The following ESRRG variants were observed in gnomAD, a reference collection of about 807,000 sequenced individuals.
ESRRG encodes the protein estrogen-related receptor gamma.
Under a neutral mutation model 44.0 loss-of-function variants are expected in ESRRG, and 13 were observed. The observed-to-expected ratio is 0.30, with a 90% confidence interval of 0.19 to 0.47. The LOEUF is 0.47. Ranked by LOEUF, ESRRG falls within the 20% of genes least tolerant of loss-of-function variation. The probability of loss-of-function intolerance (pLI) is 1.00; values close to 1 mark genes in which losing one functional copy is unlikely to be tolerated. For synonymous variants in ESRRG, 215 were observed against 214.6 expected (o/e 1.00, Z -0.02); for missense variants, 395 against 580.6 (o/e 0.68, Z 3.29).
Position 217,073,558 on chromosome 1 carries a change from A to G in ESRRG, c.-106+15949T>C, listed in dbSNP as rs573557737. 7.9e-5 allele frequency among the ~76,000 whole-genome samples: 12 copies of G among 152,198 alleles called. No individual in the cohort carries two copies. The East Asian group carries it at 2.3e-3, about 29-fold the overall frequency. ...TCAATAGCAGGAGAAAGAAAAACGG[A>G]TTTTTCTGACTCCTCTTAAAGTTTC... On this transcript the variant is annotated intron_variant, in intron 1 of 7. Transcript: ENST00000359162.
intron 2 of ESRRG, among the ~76,000 whole-genome samples, chr1:216,738,016 T>C (rs79094940): frequency 8.6e-6 from 1 of 116,718 alleles, no homozygotes; most frequent in African/African-American, 2.9e-5. Flanking sequence ...TTTTTTTTTT[T>C]GGTCATGCTA....
chr1:216,820,189 A>G (rs531161128), intron 2 of ESRRG, among the ~76,000 whole-genome samples: 16 of 152,324 alleles, frequency 1.1e-4, no homozygotes, highest in African/African-American at 3.8e-4. Context: ...GATGTGCACC[A>G]TTTTCATTCA....
chr1:217,121,550 G>A (rs961649185), intron 1 of ESRRG, among the ~76,000 whole-genome samples: 4 of 152,162 alleles, frequency 2.6e-5, no homozygotes, highest in African/African-American at 9.7e-5. Context: ...AGAGGATTAA[G>A]TGAAGCGGGC....
At chr1:216,853,321 G>T (rs956815631) in intron 2 of ESRRG, among the ~76,000 whole-genome samples, 3 of 152,136 alleles carry the variant, frequency 2.0e-5, no homozygotes, top group African/African-American at 7.2e-5. Context: ...CTGCCAGTTC[G>T]CTCTGAAATA....
intron 1 of ESRRG, among the ~76,000 whole-genome samples, chr1:217,041,907 A>G (rs1237326476): frequency 6.6e-6 from 1 of 152,220 alleles, no homozygotes; most frequent in African/African-American, 2.4e-5. Context: ...TTATCCCAAG[A>G]AACCAGTAGG....
chr1:216,614,523 A>AT (rs942108910), intron 3 of ESRRG, among the ~76,000 whole-genome samples: 1 of 152,078 alleles, frequency 6.6e-6, no homozygotes, highest in Non-Finnish European at 1.5e-5. Context: ...ATGAATTCTG[A>AT]TTTTTTCCAA....
At chr1:216,982,672 C>A (rs989334814) in intron 1 of ESRRG, among the ~76,000 whole-genome samples, 3 of 152,162 alleles carry the variant, frequency 2.0e-5, no homozygotes, top group Non-Finnish European at 4.4e-5. Flanking sequence ...GGCTTCCAAA[C>A]TTAAGTGTTT....
chr1:216,931,629 C>T (rs1362697041), intron 2 of ESRRG, among the ~76,000 whole-genome samples: 1 of 152,080 alleles, frequency 6.6e-6, no homozygotes, highest in African/African-American at 2.4e-5. Context: ...CAGGGTTCTC[C>T]TGGGACTCTG....
At position 217,108,342 on chromosome 1, in the gene ESRRG, C is replaced by T. The variant is rs1215654942; in HGVS notation, c.-230+29325G>A. The stretch of plus-strand genomic sequence containing the variant: ...ATTCCCATCATTCTTTGCAGCTCTC[C>T]GATGGTATTTGCCACAATTCTGCTT... On this transcript the variant is annotated intron_variant, in intron 1 of 8. Coordinates refer to the ESRRG transcript ENST00000366940. 3.7e-4 allele frequency among the ~76,000 whole-genome samples: 57 copies of T among 152,102 alleles called. 1 individual carries two copies. Among genetic ancestry groups the T allele is most frequent in the Admixed American group, 3.7e-3 (56 of 15,272 alleles).
intron 2 of ESRRG, among the ~76,000 whole-genome samples, chr1:216,908,245 C>T (rs1249341377): frequency 1.3e-5 from 2 of 152,188 alleles, no homozygotes; most frequent in African/African-American, 4.8e-5. Context: ...ATTATATCCT[C>T]CAGCTTTCCT....
intron 3 of ESRRG, among the ~76,000 whole-genome samples, chr1:216,597,995 C>A (rs889751747): frequency 6.6e-6 from 1 of 152,108 alleles, no homozygotes; most frequent in African/African-American, 2.4e-5. Context: ...AGGCTTTTCC[C>A]TTCTTTATTG....
At chr1:216,775,876 C>A (rs1347747802) in intron 2 of ESRRG, among the ~76,000 whole-genome samples, 2 of 151,604 alleles carry the variant, frequency 1.3e-5, no homozygotes, top group Non-Finnish European at 2.9e-5. Context: ...TTTTTTTATA[C>A]AATATCACCC....
chr1:216,881,209 A>G (rs2576262), intron 2 of ESRRG, among the ~76,000 whole-genome samples: 105,509 of 151,970 alleles, frequency 0.69, 37,064 homozygotes, highest in East Asian at 0.85. Context: ...AACATATTCC[A>G]TAATTTCCTC....
At chr1:217,013,976 G>C (rs1014770822) in intron 1 of ESRRG, among the ~76,000 whole-genome samples, 16 of 152,066 alleles carry the variant, frequency 1.1e-4, no homozygotes, top group African/African-American at 3.6e-4. Context: ...GCCCACCTAG[G>C]TAAATAATGC....
At chr1:216,655,708 T>C (rs1161615445) in intron 2 of ESRRG, among the ~76,000 whole-genome samples, 1 of 152,188 alleles carries the variant, frequency 6.6e-6, no homozygotes, top group Admixed American at 6.5e-5. Flanking sequence ...ACTAAGTGAC[T>C]CTGGTTTATA....
At chr1:216,801,415 T>G (rs993081897) in intron 2 of ESRRG, among the ~76,000 whole-genome samples, 2 of 152,128 alleles carry the variant, frequency 1.3e-5, no homozygotes, top group Non-Finnish European at 2.9e-5. Context: ...CTACCCCATT[T>G]CCGACAACCC....
At chr1:217,065,795 T>C (rs2089548986) in intron 1 of ESRRG, among the ~76,000 whole-genome samples, 1 of 152,228 alleles carries the variant, frequency 6.6e-6, no homozygotes, top group Non-Finnish European at 1.5e-5. Flanking sequence ...AATATAAACC[T>C]ACTTTATGAT....
At chr1:216,910,125 GA>G (rs1473795929) in intron 2 of ESRRG, among the ~76,000 whole-genome samples, 2 of 151,782 alleles carry the variant, frequency 1.3e-5, no homozygotes, top group Middle Eastern at 3.4e-3. Flanking sequence ...ATGAATATAA[GA>G]AAAAAATTGT....
intron 2 of ESRRG, among the ~76,000 whole-genome samples, chr1:216,759,587 A>G (rs1424036526): frequency 2.0e-5 from 3 of 152,144 alleles, no homozygotes; most frequent in Non-Finnish European, 2.9e-5. Context: ...GGCAGAAATC[A>G]AAATCTGAAG....
Sources: gnomAD v4.1 joint callset for allele counts (sites outside exome capture counted in the v4.1 genomes callset) on GRCh38, gnomAD v4.1.1 for gene constraint, MANE v1.5 for transcripts, NCBI Gene and HGNC (gene_info 2026-07-23, HGNC 2026-07-21) for gene names.